Variants in LPIN2 observed in about 807,000 individuals in gnomAD.
LPIN2 encodes the protein lipin 2, also known as phosphatidate phosphatase LPIN2.
In LPIN2, 55 loss-of-function variants were observed where a neutral mutation model predicts 111.4. The ratio of observed to expected loss-of-function variants is 0.49; its 90% CI spans 0.40 to 0.62. The LOEUF (loss-of-function observed/expected upper bound fraction) is 0.62, where lower values mean the gene tolerates loss of function less well. Among genes scored for constraint, LPIN2 ranks in the 20% least tolerant of loss-of-function variants. LPIN2 has a pLI of 0.00. For synonymous variants in LPIN2, 425 were observed against 414.0 expected, an observed-to-expected ratio of 1.03 and a Z score of -0.32; for missense variants, 992 against 1,112.1, an observed-to-expected ratio of 0.89 and a Z score of 1.54.
At chr18:2,988,324 G>A (rs1479330407) in intron 1 of LPIN2, among the ~76,000 whole-genome samples, 3 of 152,098 alleles carry the variant, frequency 2.0e-5, no homozygotes, top group Non-Finnish European at 2.9e-5. Context: ...TTTGCTATGA[G>A]AATAAAGAAT....
intron 1 of LPIN2, among the ~76,000 whole-genome samples, chr18:2,969,778 T>C (rs1432486929): frequency 6.6e-6 from 1 of 152,186 alleles, no homozygotes; most frequent in Admixed American, 6.5e-5. Context: ...AAAAATCTGT[T>C]ACCCACGATT....
intron 1 of LPIN2, among the ~76,000 whole-genome samples, chr18:3,005,358 AAAAAAG>A (rs745590942): frequency 1.6e-4 from 24 of 152,050 alleles, no homozygotes; most frequent in East Asian, 1.5e-3. Flanking sequence ...TCTCAAAAAA[AAAAAAG>A]AAAAAGAAAA....
At chr18:2,988,815 A>C (rs915999907) in intron 1 of LPIN2, among the ~76,000 whole-genome samples, 1 of 152,228 alleles carries the variant, frequency 6.6e-6, no homozygotes, top group African/African-American at 2.4e-5. Flanking sequence ...ATTGAAACAG[A>C]ACAAGTGTGA....
chr18:2,969,949 T>C (rs1414095633), intron 1 of LPIN2, among the ~76,000 whole-genome samples: 1 of 152,064 alleles, frequency 6.6e-6, no homozygotes, highest in Non-Finnish European at 1.5e-5. Context: ...GGATCAGAAG[T>C]GGAAGCAATA....
At position 2,924,561 on chromosome 18, in the gene LPIN2, TAAG is replaced by T; in HGVS notation, c.1939-18_1939-16del. The T allele has an allele frequency of 1.2e-6, 2 of 1,613,748 alleles. No homozygotes were observed. Among genetic ancestry groups the T allele is most frequent in the Non-Finnish European group, 1.7e-6 (2 of 1,179,642 alleles). Reference sequence around the variant, plus strand: ...TTCAGTTTTGCCTTTTAAAAAAGCATAAGAATAAAGAAAATCAGCTGAAAACAT... The same window carrying T: ...TTCAGTTTTGCCTTTTAAAAAAGCATAATAAAGAAAATCAGCTGAAAACAT... On this transcript the variant is annotated splice_polypyrimidine_tract_variant and intron_variant, in intron 14 of 19. Coordinates refer to ENST00000677752, the MANE Select transcript of LPIN2 (RefSeq NM_001375808.2).
chr18:2,966,325 T>C (rs1412616797), intron 1 of LPIN2, among the ~76,000 whole-genome samples: 1 of 152,238 alleles, frequency 6.6e-6, no homozygotes, highest in East Asian at 1.9e-4. Flanking sequence ...GGTACTAGTA[T>C]TGTTAGTACT....
chr18:2,958,166 A>AAAAAAAAAAAAC (rs1568571302), intron 2 of LPIN2, among the ~76,000 whole-genome samples: 1 of 146,090 alleles, frequency 6.8e-6, no homozygotes, highest in East Asian at 2.1e-4. Flanking sequence ...AACAACAAAA[A>AAAAAAAAAAAAC]AAAAAAACAG....
intron 1 of LPIN2, among the ~76,000 whole-genome samples, chr18:2,976,211 G>A (rs972194584): frequency 3.9e-5 from 6 of 152,094 alleles, no homozygotes; most frequent in Non-Finnish European, 8.8e-5. Context: ...AAGTAATTAC[G>A]TGTCCTAATT....
At chr18:2,972,043 T>C (rs1156867035) in intron 1 of LPIN2, among the ~76,000 whole-genome samples, 6 of 151,958 alleles carry the variant, frequency 3.9e-5, no homozygotes, top group African/African-American at 1.5e-4. Flanking sequence ...TGAAACTCCA[T>C]ATCAAAAACA....
Position 2,937,699 on chromosome 18 carries a change from CTTT to C in LPIN2, c.1158_1160del (p.Lys389del), listed in dbSNP as rs2077306718. 6.2e-7 allele frequency: 1 copy of C among 1,613,788 alleles called. No individual in the cohort carries two copies. Among genetic ancestry groups the C allele is most frequent in the Admixed American group, 1.7e-5 (1 of 59,990 alleles). On this transcript the variant is annotated inframe_deletion, in exon 7 of 20. Coordinates refer to ENST00000677752, the MANE Select transcript of LPIN2 (RefSeq NM_001375808.2). ...AATTAAACAAACGATTACCTTTCTT[CTTT>C]GACGGCGAGTCTACTTTAGCTGCCG...
At chr18:3,008,550 G>A (rs1448965889) in intron 1 of LPIN2, among the ~76,000 whole-genome samples, 1 of 152,188 alleles carries the variant, frequency 6.6e-6, no homozygotes, top group African/African-American at 2.4e-5. Context: ...AAGTTACTTT[G>A]TACCATATAT....
chr18:2,926,407 T>C lies in LPIN2; in HGVS notation c.1793+316A>G, dbSNP rs1002578504. 5.9e-5 allele frequency among the ~76,000 whole-genome samples: 9 copies of C among 152,340 alleles called. No individual in the cohort carries two copies. The Middle Eastern group carries it at 0.017, about 288-fold the overall frequency. ...AAGCCAACCTGGAGATTATTTTGTA[T>C]GTCTCCCTTTGGCTCCGGATGGGAT... On this transcript the variant is annotated intron_variant, in intron 13 of 19. Transcript: ENST00000677752.
At chr18:2,993,047 A>C (rs1484153933) in intron 1 of LPIN2, among the ~76,000 whole-genome samples, 1 of 151,588 alleles carries the variant, frequency 6.6e-6, no homozygotes, top group African/African-American at 2.4e-5. Flanking sequence ...TCAGAGGCTG[A>C]GGTGGGAGGA....
intron 11 of LPIN2, 54 bp downstream of exon 11, chr18:2,928,537 G>A (rs2077168851): frequency 6.6e-7 from 1 of 1,510,174 alleles, no homozygotes; most frequent in Non-Finnish European, 9.2e-7. Flanking sequence ...ATTTGTGTAA[G>A]TACTAGACAC....
chr18:2,947,039 C>T (rs2077463960), intron 4 of LPIN2: 3 of 173,546 alleles, frequency 1.7e-5, no homozygotes, highest in South Asian at 1.2e-4. Context: ...CTCTAGAAGC[C>T]AATTACCGAT....
At chr18:2,955,995 G>A (rs2077606598) in intron 2 of LPIN2, among the ~76,000 whole-genome samples, 1 of 152,164 alleles carries the variant, frequency 6.6e-6, no homozygotes, top group South Asian at 2.1e-4. Flanking sequence ...CTGAAGTGAG[G>A]AAGAATGGAA....
At chr18:2,991,155 G>T in intron 1 of LPIN2, 1 of 314,676 alleles carries the variant, frequency 3.2e-6, no homozygotes, top group South Asian at 3.2e-5. Context: ...ACAATGCTGT[G>T]ACTCTGGGTG....
At chr18:2,970,809 A>G (rs151210477) in intron 1 of LPIN2, among the ~76,000 whole-genome samples, 5 of 152,356 alleles carry the variant, frequency 3.3e-5, no homozygotes, top group African/African-American at 4.8e-5. Flanking sequence ...CTCAGGGCTG[A>G]TAAGTTTTAA....
At chr18:3,008,257 CATG>C (rs1183446296) in intron 1 of LPIN2, among the ~76,000 whole-genome samples, 1 of 152,148 alleles carries the variant, frequency 6.6e-6, no homozygotes, top group Non-Finnish European at 1.5e-5. Flanking sequence ...GCCTGGGCAA[CATG>C]ATGATACCTT....
Sources: allele counts gnomAD v4.1 joint callset (sites outside exome capture counted in the v4.1 genomes callset), GRCh38; gene constraint gnomAD v4.1.1; transcripts MANE v1.5; gene names NCBI Gene and HGNC (gene_info 2026-07-23, HGNC 2026-07-21).